The following TMEM184C variants were observed in gnomAD, a reference collection of about 807,000 sequenced individuals.
TMEM184C encodes transmembrane protein 184C.
TMEM184C carries 25 observed loss-of-function variants against 54.5 expected under a neutral mutation model. The observed-to-expected ratio is 0.46, with a 90% CI of 0.33 to 0.64. The LOEUF is 0.64. TMEM184C is among the 30% of genes least tolerant of loss of function. The probability of loss-of-function intolerance (pLI) is 0.02; values close to 1 mark genes in which losing one functional copy is unlikely to be tolerated. For missense variants in TMEM184C, 335 were observed against 520.3 expected, an observed-to-expected ratio of 0.64 and a Z score of 3.46; for synonymous variants, 148 against 181.5, an observed-to-expected ratio of 0.82 and a Z score of 1.49.
intron 1 of TMEM184C, among the ~76,000 whole-genome samples, chr4:147,619,177 CTTGTTG>C (rs200028902): frequency 1.4e-5 from 2 of 147,516 alleles, no homozygotes; most frequent in African/African-American, 5.0e-5. Flanking sequence ...CATATACTTA[CTTGTTG>C]TTGTTGTTGT....
intron 3 of TMEM184C, 146 bp downstream of exon 3, chr4:147,624,244 A>C (rs953573359): frequency 1.6e-6 from 1 of 612,210 alleles, no homozygotes. Flanking sequence ...ATGATAGAGA[A>C]TATAAAGTAT....
At chr4:147,630,627 T>C (rs1022662634) in intron 6 of TMEM184C, among the ~76,000 whole-genome samples, 2 of 152,010 alleles carry the variant, frequency 1.3e-5, no homozygotes, top group Non-Finnish European at 2.9e-5. Context: ...GTATTTTAAG[T>C]GGAAAAAACA....
In TMEM184C at chr4:147,633,844, A is replaced by G. The variant is rs1249932623; in HGVS notation, c.959A>G (p.Glu320Gly). Residue 320 changes from glutamate (E) to glycine (G), a missense_variant, in exon 9 of 10, where the codon GAA becomes GGA. Glu to Gly is a moderately conservative substitution (Grantham distance 98). Coordinates refer to ENST00000296582, the MANE Select transcript of TMEM184C (RefSeq NM_018241.3). ...TTCTCATATAAACCATATGTCCAAG[A>G]AGCAGAAGAGGGCTCATGCTTTGAT... ...YTFSYKPYVQ[E>G]AEEGSCFDSF... is the part of the protein sequence containing the mutation. The G allele has an allele frequency of 6.2e-7, 1 of 1,613,940 alleles. No individual in the cohort carries two copies.
At chr4:147,627,189 C>G (rs1732830188) in intron 4 of TMEM184C, among the ~76,000 whole-genome samples, 1 of 152,178 alleles carries the variant, frequency 6.6e-6, no homozygotes, top group African/African-American at 2.4e-5. Flanking sequence ...AAAGAGGCAT[C>G]AGAGGCTTGT....
chr4:147,627,982 G>C (rs545087020), intron 4 of TMEM184C, among the ~76,000 whole-genome samples: 1 of 149,562 alleles, frequency 6.7e-6, no homozygotes, highest in South Asian at 2.2e-4. Context: ...GGGCAACATA[G>C]TGAGACCCCA....
intron 1 of TMEM184C, among the ~76,000 whole-genome samples, chr4:147,621,513 CATAAA>C (rs913203857): frequency 2.6e-5 from 4 of 152,110 alleles, no homozygotes; most frequent in African/African-American, 9.7e-5. Context: ...TAGAGGTAAA[CATAAA>C]ATTAAAAAAT....
chr4:147,633,757 T>A lies in TMEM184C; in HGVS notation c.880-8T>A. ...AAGGTGGCTGTTATCTTATTGTTGT[T>A]CTCATAGGATTTTATTATCTGTATT... On this transcript the variant is annotated splice_polypyrimidine_tract_variant and splice_region_variant and intron_variant, in intron 8 of 9. Transcript: ENST00000296582. The A allele has an allele frequency of 6.4e-7, 1 of 1,558,136 alleles. No individual in the cohort carries two copies.
In TMEM184C at chr4:147,618,080, G is replaced by GT; in HGVS notation, c.123+2dup. On this transcript the variant is annotated splice_donor_variant, in intron 1 of 9. Coordinates refer to ENST00000296582, the MANE Select transcript of TMEM184C (RefSeq NM_018241.3). LOFTEE classifies it high-confidence loss of function. ...CGTGTGGGAATTACAGAAACTGGAG[G>GT]TAAGAGGGTTCTGCACCATCAGCCT... 1 of 1,614,044 alleles carries GT rather than the reference G, an allele frequency of 6.2e-7. No individual in the cohort carries two copies. The highest frequency in any genetic ancestry group is 1.3e-5 in the African/African-American group (1 of 75,030).
chr4:147,620,169 T>C (rs1009471649), intron 1 of TMEM184C, among the ~76,000 whole-genome samples: 2 of 152,164 alleles, frequency 1.3e-5, no homozygotes, highest in African/African-American at 4.8e-5. Context: ...CTATTTAACA[T>C]TGTCAACTTC....
rs1403590634 is a variant in TMEM184C at position 147,633,762 on chromosome 4, T to C, written c.880-3T>C. On this transcript the variant is annotated splice_polypyrimidine_tract_variant and splice_region_variant and intron_variant, in intron 8 of 9. Coordinates refer to ENST00000296582, the MANE Select transcript of TMEM184C (RefSeq NM_018241.3). ...GGCTGTTATCTTATTGTTGTTCTCA[T>C]AGGATTTTATTATCTGTATTGAGAT... 3.2e-6 allele frequency: 5 copies of C among 1,564,820 alleles called. No individual in the cohort carries two copies. The highest frequency in any genetic ancestry group is 2.3e-5 in the East Asian group (1 of 44,096).
chr4:147,628,252 CTG>C, intron 4 of TMEM184C, 107 bp from the exon 5 acceptor site: 2 of 804,300 alleles, frequency 2.5e-6, no homozygotes, highest in Non-Finnish European at 4.1e-6. Context: ...AAAGAATTAA[CTG>C]TAAATATGGT....
chr4:147,623,151 A>T (rs1454670013), intron 1 of TMEM184C, among the ~76,000 whole-genome samples: 1 of 152,134 alleles, frequency 6.6e-6, no homozygotes, highest in East Asian at 1.9e-4. Context: ...AGTCCTGTTC[A>T]AACAGTGAAA....
At position 147,634,331 on chromosome 4, in the gene TMEM184C, T is replaced by G; in HGVS notation, c.1214T>G (p.Val405Gly). 1 of 1,614,066 alleles carries G rather than the reference T, an allele frequency of 6.2e-7. No individual in the cohort carries two copies. The highest frequency in any genetic ancestry group is 2.2e-5 in the East Asian group (1 of 44,870). ...MGHYQGFGHT[V>G]TPQTTPTTAK... The stretch of plus-strand genomic sequence containing the variant: ...CACTACCAAGGGTTTGGACACACTG[T>G]GACTCCCCAGACTACACCTACCACA... Residue 405 changes from valine (V) to glycine (G), a missense_variant, in exon 10 of 10, where the codon GTG (valine) becomes GGG (glycine). Transcript: ENST00000296582.
intron 4 of TMEM184C, 112 bp downstream of exon 4, chr4:147,625,121 A>C (rs760541811): frequency 2.0e-6 from 2 of 1,014,994 alleles, no homozygotes; most frequent in Non-Finnish European, 3.0e-6. Flanking sequence ...TAGCAGAACA[A>C]TAAGTATAAG....
rs972501413 is a variant in TMEM184C, at chr4:147,618,151, A to C, written c.123+72A>C. 3.1e-6 allele frequency: 5 copies of C among 1,594,830 alleles called. 1 individual carries two copies. In the Middle Eastern group the frequency reaches 8.3e-4, roughly 266 times the overall value. On this transcript the variant is annotated intron_variant, in intron 1 of 9. Transcript: ENST00000296582. ...CTATGGTTGGGAAAGAGACACCCTTACCCCATTTCTGCCCTGACAGTCCTG... is the reference window on the plus strand; with the variant it reads ...CTATGGTTGGGAAAGAGACACCCTTCCCCCATTTCTGCCCTGACAGTCCTG...
chr4:147,626,404 C>T (rs1353796114), intron 4 of TMEM184C, among the ~76,000 whole-genome samples: 2 of 152,206 alleles, frequency 1.3e-5, no homozygotes, highest in Non-Finnish European at 2.9e-5. Flanking sequence ...ATCTCTTTCA[C>T]TGTCTCAGTC....
chr4:147,619,139 TACAGGTGTGAGCC>T (rs1407912130), intron 1 of TMEM184C, among the ~76,000 whole-genome samples: 1 of 152,200 alleles, frequency 6.6e-6, no homozygotes, highest in Non-Finnish European at 1.5e-5. Context: ...GTGCTGGGAT[TACAGGTGTGAGCC>T]ACCGCACCCA....
Position 147,617,833 on chromosome 4 carries a change from A to G in TMEM184C, c.-124A>G. On this transcript the variant is annotated 5_prime_UTR_variant, in exon 1 of 10. It removes the in-frame stop codon of an upstream open reading frame in the 5' UTR. Transcript: ENST00000296582. ...CAGGAGGCGGCTCGAGCTGTTCGTAAAGTCGCCCGACAGCTTTTTCTCCGT... is the reference window on the plus strand; with the variant it reads ...CAGGAGGCGGCTCGAGCTGTTCGTAGAGTCGCCCGACAGCTTTTTCTCCGT... 1 of 1,417,142 alleles carries G rather than the reference A, an allele frequency of 7.1e-7. No homozygotes were observed. Among genetic ancestry groups the G allele is most frequent in the Non-Finnish European group, 9.8e-7 (1 of 1,017,452 alleles). The allele number at this position is 1,417,142 out of a possible 1,614,324, so 87.8% of individuals were successfully genotyped here. A position where few individuals can be genotyped will look rare whatever the true frequency, so the allele number is the denominator to read the frequency against.
chr4:147,622,654 T>C (rs1407152944), intron 1 of TMEM184C, among the ~76,000 whole-genome samples: 4 of 152,230 alleles, frequency 2.6e-5, no homozygotes, highest in Admixed American at 2.6e-4. Flanking sequence ...AAAAGCCCTG[T>C]AATATGAGTG....
Sources: allele counts gnomAD v4.1 joint callset (sites outside exome capture counted in the v4.1 genomes callset), GRCh38; gene constraint gnomAD v4.1.1; transcripts MANE v1.5; gene names NCBI Gene and HGNC (gene_info 2026-07-23, HGNC 2026-07-21).